Variants in TAFA4 observed in about 807,000 individuals in gnomAD.
TAFA4 encodes TAFA chemokine like family member 4.
In TAFA4, 20 loss-of-function variants were observed where a neutral mutation model predicts 21.1. The observed-to-expected ratio is 0.95, with a 90% CI of 0.67 to 1.38. The LOEUF (loss-of-function observed/expected upper bound fraction) is 1.38, where lower values mean the gene tolerates loss of function less well. TAFA4 is among the 40% of genes most tolerant of loss of function. The pLI is 0.00. For synonymous variants in TAFA4, 71 were observed against 67.4 expected (o/e 1.05, Z -0.26); for missense variants, 211 against 180.9 (o/e 1.17, Z -0.95).
chr3:68,924,283 C>A (rs2090086574), intron 1 of TAFA4, among the ~76,000 whole-genome samples: 1 of 152,198 alleles, frequency 6.6e-6, no homozygotes, highest in Non-Finnish European at 1.5e-5. Flanking sequence ...GCTATACATG[C>A]AATGGATTAT....
At chr3:68,863,282 A>G (rs114133288) in intron 3 of TAFA4, among the ~76,000 whole-genome samples, 1,965 of 152,190 alleles carry the variant, frequency 0.013, 40 homozygotes, top group African/African-American at 0.046. Context: ...AGCTCACAGT[A>G]TATTTCCAGT....
At chr3:68,792,250 G>A (rs1703375827) in intron 3 of TAFA4, among the ~76,000 whole-genome samples, 1 of 152,122 alleles carries the variant, frequency 6.6e-6, no homozygotes, top group Admixed American at 6.5e-5. Flanking sequence ...TTAGTGGAGG[G>A]AAATCATCAA....
At chr3:68,915,819 T>C (rs1003484637) in intron 1 of TAFA4, among the ~76,000 whole-genome samples, 1 of 152,222 alleles carries the variant, frequency 6.6e-6, no homozygotes, top group South Asian at 2.1e-4. Context: ...TTAATAATCA[T>C]ACCCAGCCCA....
In TAFA4 at chr3:68,732,538, A is replaced by G. The variant is rs1702168307; in HGVS notation, c.*604T>C. The G allele has an allele frequency of 1.3e-5, 2 of 152,618 alleles. No homozygotes were observed. The highest frequency in any genetic ancestry group is 6.6e-5 in the Admixed American group (1 of 15,264). 9.5% of individuals were successfully genotyped at this position (152,618 alleles called of 1,614,324 possible). ...GCTAACTGGAAAATGGAAAGCAAAA[A>G]AAAAATAGAAGTAAAAATACAATGC... On this transcript the variant is annotated 3_prime_UTR_variant, in exon 6 of 6. Coordinates refer to ENST00000295569, the MANE Select transcript of TAFA4 (RefSeq NM_182522.5).
At chr3:68,873,023 G>A (rs2089501441) in intron 3 of TAFA4, among the ~76,000 whole-genome samples, 1 of 152,002 alleles carries the variant, frequency 6.6e-6, no homozygotes, top group Non-Finnish European at 1.5e-5. Flanking sequence ...TAGACAGCAT[G>A]GGTAAATATC....
intron 3 of TAFA4, among the ~76,000 whole-genome samples, chr3:68,855,603 T>C (rs1020182993): frequency 1.1e-4 from 17 of 151,984 alleles, no homozygotes; most frequent in African/African-American, 4.1e-4. Context: ...AACTGATAAG[T>C]AGGGGGGAAA....
At chr3:68,830,042 T>C (rs375457743) in intron 3 of TAFA4, among the ~76,000 whole-genome samples, 2 of 152,116 alleles carry the variant, frequency 1.3e-5, no homozygotes, top group Non-Finnish European at 2.9e-5. Context: ...TATCCCTTTT[T>C]TCAGGTTTTA....
intron 4 of TAFA4, among the ~76,000 whole-genome samples, chr3:68,744,472 C>G (rs1211736879): frequency 6.6e-6 from 1 of 152,172 alleles, no homozygotes; most frequent in African/African-American, 2.4e-5. Flanking sequence ...GAAGAACAAA[C>G]TCTAAAACAG....
intron 3 of TAFA4, among the ~76,000 whole-genome samples, chr3:68,805,224 C>T (rs1703665425): frequency 6.6e-6 from 1 of 152,192 alleles, no homozygotes; most frequent in East Asian, 1.9e-4. Flanking sequence ...CACTGGCCAT[C>T]AGAGAAATGC....
At chr3:68,795,929 C>G (rs1260272094) in intron 3 of TAFA4, among the ~76,000 whole-genome samples, 1 of 152,006 alleles carries the variant, frequency 6.6e-6, no homozygotes, top group Non-Finnish European at 1.5e-5. Flanking sequence ...GCACCCCAAG[C>G]CCAGTAACAC....
intron 3 of TAFA4, among the ~76,000 whole-genome samples, chr3:68,852,594 G>A (rs1395747904): frequency 6.6e-6 from 1 of 152,104 alleles, no homozygotes; most frequent in African/African-American, 2.4e-5. Context: ...CCAGGGTAGG[G>A]GGTGTAATTT....
At chr3:68,782,357 T>C (rs951277537) in intron 3 of TAFA4, among the ~76,000 whole-genome samples, 1 of 152,158 alleles carries the variant, frequency 6.6e-6, no homozygotes, top group Non-Finnish European at 1.5e-5. Flanking sequence ...GGCAAAGATA[T>C]GGAGAAATTG....
chr3:68,845,935 G>A (rs972135343), intron 3 of TAFA4, among the ~76,000 whole-genome samples: 3 of 152,126 alleles, frequency 2.0e-5, no homozygotes, highest in African/African-American at 7.2e-5. Context: ...TTTCTCTCTG[G>A]ATGCTCTTAA....
intron 3 of TAFA4, among the ~76,000 whole-genome samples, chr3:68,794,081 G>A (rs1703412461): frequency 6.6e-6 from 1 of 152,040 alleles, no homozygotes; most frequent in South Asian, 2.1e-4. Context: ...CCTCTCTTTA[G>A]AATAAAAGGA....
At chr3:68,750,181 C>T (rs1473829855) in intron 4 of TAFA4, among the ~76,000 whole-genome samples, 1 of 152,108 alleles carries the variant, frequency 6.6e-6, no homozygotes, top group Non-Finnish European at 1.5e-5. Context: ...CCTGTAATCC[C>T]CACACTTTGG....
intron 3 of TAFA4, among the ~76,000 whole-genome samples, chr3:68,840,042 C>A (rs1170667478): frequency 5.3e-5 from 8 of 152,280 alleles, no homozygotes; most frequent in Admixed American, 4.6e-4. Flanking sequence ...CTGTCTATGC[C>A]ACTGTCTTCT....
chr3:68,839,813 T>C (rs1382334416), intron 3 of TAFA4, among the ~76,000 whole-genome samples: 1 of 152,144 alleles, frequency 6.6e-6, no homozygotes, highest in Non-Finnish European at 1.5e-5. Flanking sequence ...AAGAGCAACT[T>C]GATAAACTGG....
chr3:68,829,294 T>TG (rs1202498072), intron 3 of TAFA4, among the ~76,000 whole-genome samples: 1 of 152,088 alleles, frequency 6.6e-6, no homozygotes, highest in Non-Finnish European at 1.5e-5. Context: ...AAACAAGAAA[T>TG]GGGGAAAGGA....
intron 3 of TAFA4, among the ~76,000 whole-genome samples, chr3:68,764,894 G>A (rs1575599944): frequency 6.6e-6 from 1 of 152,108 alleles, no homozygotes; most frequent in Non-Finnish European, 1.5e-5. Flanking sequence ...TGACAAGCAG[G>A]GCACTGACAC....
Sources: allele counts gnomAD v4.1 joint callset (sites outside exome capture counted in the v4.1 genomes callset), GRCh38; gene constraint gnomAD v4.1.1; transcripts MANE v1.5; gene names NCBI Gene and HGNC (gene_info 2026-07-23, HGNC 2026-07-21).